The following NECAB2 variants were observed in gnomAD, a reference collection of about 807,000 sequenced individuals.
NECAB2 encodes the protein N-terminal EF-hand calcium-binding protein 2.
In NECAB2, 68 loss-of-function variants were observed where a neutral mutation model predicts 51.9. That is an observed-to-expected ratio of 1.31 (90% CI 1.08 to 1.60). NECAB2 has a LOEUF of 1.60. NECAB2 is among the 40% of genes most tolerant of loss of function. The pLI is 0.00. For synonymous variants in NECAB2, 329 were observed against 203.5 expected (o/e 1.62, Z -5.25); for missense variants, 854 against 490.3 (o/e 1.74, Z -7.00).
Position 84,002,440 on chromosome 16 carries a change from C to CTTCT in NECAB2, c.*97_*100dup. ...CTAGACAGACACTTTGGTGCAGAAG[C>CTTCT]TTCTTTTCAATCCATCCTCCACAAG... On this transcript the variant is annotated 3_prime_UTR_variant, in exon 13 of 13. Coordinates refer to ENST00000305202, the MANE Select transcript of NECAB2 (RefSeq NM_019065.3). 1 of 1,476,920 alleles carries CTTCT rather than the reference C, an allele frequency of 6.8e-7. No individual in the cohort carries two copies. Among genetic ancestry groups the CTTCT allele is most frequent in the Non-Finnish European group, 9.4e-7 (1 of 1,060,978 alleles). The allele number at this position is 1,476,920 out of a possible 1,614,324, so 91.5% of individuals were successfully genotyped here.
chr16:83,990,645 C>A lies in NECAB2; in HGVS notation c.596+15C>A. The A allele has an allele frequency of 6.2e-7, 1 of 1,613,784 alleles. No individual in the cohort carries two copies. Among genetic ancestry groups the A allele is most frequent in the East Asian group, 2.2e-5 (1 of 44,840 alleles). On this transcript the variant is annotated intron_variant, in intron 6 of 12. Coordinates refer to ENST00000305202, the MANE Select transcript of NECAB2 (RefSeq NM_019065.3). ...AGCCAGCTCCGGTGAGTCTCTGAGA[C>A]CCTGCAGGGTCCCATGGGGGTATGC...
rs889631 is a variant in NECAB2, at chr16:83,973,158, A to G, written c.226+983A>G. Reference sequence around the variant, plus strand: ...CAAGTACCAAGCCTGTGGCAGGGGAAGAGCACGCAACAGAGACCCTGTGAC... The same window carrying G: ...CAAGTACCAAGCCTGTGGCAGGGGAGGAGCACGCAACAGAGACCCTGTGAC... On this transcript the variant is annotated intron_variant, in intron 2 of 12. Transcript: ENST00000305202. Among the ~76,000 whole-genome samples, 315 of 152,352 alleles carry G rather than the reference A, an allele frequency of 2.1e-3. 1 individual carries two copies. The highest frequency in any genetic ancestry group is 7.0e-3 in the African/African-American group (291 of 41,588).
chr16:84,000,837 CAGAGGGA>C (rs747424403), intron 11 of NECAB2, 36 bp downstream of exon 11: 5 of 1,398,156 alleles, frequency 3.6e-6, no homozygotes, highest in Admixed American at 1.8e-5. Context: ...GTGAGGGAGA[CAGAGGGA>C]AGTGGGGGGG....
chr16:83,997,681 G>A lies in NECAB2; in HGVS notation c.849+412G>A, dbSNP rs142578995. ...TTTTTTGGTATTTTTAGTAGAGACG[G>A]ACAGGGTTTCACCATGTTGGTCAGG... On this transcript the variant is annotated intron_variant, in intron 9 of 12. Transcript: ENST00000305202. Among the ~76,000 whole-genome samples, 889 of 151,692 alleles carry A rather than the reference G, an allele frequency of 5.9e-3. 10 individuals carry two copies. The highest frequency in any genetic ancestry group is 0.02 in the African/African-American group (823 of 41,354).
At position 84,000,933 on chromosome 16, in the gene NECAB2, G is replaced by A. The variant is rs564134865; in HGVS notation, c.1040+132G>A. On this transcript the variant is annotated intron_variant, in intron 11 of 12. Transcript: ENST00000305202. ...CAGCAGATTCCCGAGGCATCTACCCGCTGGCATGCTTGCGTCAGTAAACCC... is the reference window on the plus strand; with the variant it reads ...CAGCAGATTCCCGAGGCATCTACCCACTGGCATGCTTGCGTCAGTAAACCC... 2.7e-4 allele frequency: 229 copies of A among 845,192 alleles called. 3 individuals are homozygous for A. The South Asian group carries it at 3.2e-3, about 12-fold the overall frequency. The allele number at this position is 845,192 out of a possible 1,614,324, so 52.4% of individuals were successfully genotyped here.
chr16:83,966,214 G>A (rs2084278679), upstream of NECAB2: 3 of 568,274 alleles, frequency 5.3e-6, no homozygotes, highest in Admixed American at 3.5e-5. Context: ...GCCAGGGTTG[G>A]CCTAGACCTG....
rs150916876 is a variant in NECAB2, at chr16:83,994,823, G to A, written c.795+135G>A. On this transcript the variant is annotated intron_variant, in intron 8 of 12. Transcript: ENST00000305202. ...ATGAAAAAGACATCCCCCAGGTGGG[G>A]CGTGGAGCTGCCGAGGACGAAGCTA... 1,274 of 1,018,590 alleles carry A rather than the reference G, an allele frequency of 1.3e-3. 15 individuals carry two copies. The African/African-American group carries it at 0.017, about 14-fold the overall frequency. 63.1% of individuals were successfully genotyped at this position (1,018,590 alleles called of 1,614,324 possible).
intron 6 of NECAB2, among the ~76,000 whole-genome samples, chr16:83,993,104 C>A (rs943577238): frequency 6.6e-6 from 1 of 152,158 alleles, no homozygotes; most frequent in Admixed American, 6.5e-5. Flanking sequence ...CTCCCTCGAA[C>A]TTCCCCAAAT....
At chr16:84,000,675 G>A (rs767010225) in intron 10 of NECAB2, 49 bp from the exon 11 acceptor site, 8 of 1,557,750 alleles carry the variant, frequency 5.1e-6, no homozygotes, top group Non-Finnish European at 7.1e-6. Flanking sequence ...GCACTGAGGT[G>A]GCCTTGGTTG....
chr16:83,976,350 C>T (rs2084410364), intron 2 of NECAB2, among the ~76,000 whole-genome samples: 1 of 152,208 alleles, frequency 6.6e-6, no homozygotes, highest in Non-Finnish European at 1.5e-5. Flanking sequence ...GGCTCTGTGC[C>T]TCAGTTTACC....
At chr16:83,973,226 CCTCTCCTGCACAAG>C (rs2084368159) in intron 2 of NECAB2, among the ~76,000 whole-genome samples, 1 of 152,274 alleles carries the variant, frequency 6.6e-6, no homozygotes, top group Admixed American at 6.5e-5. Flanking sequence ...GGCCCCGGTT[CCTCTCCTGCACAAG>C]CTGCAGTTGA....
chr16:83,998,431 C>A, intron 10 of NECAB2, 114 bp downstream of exon 10: 1 of 949,656 alleles, frequency 1.1e-6, no homozygotes, highest in South Asian at 1.6e-5. Flanking sequence ...ACCCCAGGGA[C>A]ACACACAGCT....
intron 8 of NECAB2, among the ~76,000 whole-genome samples, chr16:83,995,488 G>A (rs2084685246): frequency 6.6e-6 from 1 of 152,122 alleles, no homozygotes; most frequent in East Asian, 1.9e-4. Context: ...CGGTGCTGTA[G>A]CTTGCATTTA....
At chr16:83,999,928 A>C (rs2084791548) in intron 10 of NECAB2, among the ~76,000 whole-genome samples, 2 of 148,332 alleles carry the variant, frequency 1.3e-5, no homozygotes, top group African/African-American at 5.3e-5. Flanking sequence ...TTGTCCAGGC[A>C]GGAGTGAGTG....
rs1597237041 is a variant in NECAB2 at position 84,002,581 on chromosome 16, C to G, written c.*235C>G. The G allele has an allele frequency of 3.4e-6, 2 of 596,012 alleles. No individual in the cohort carries two copies. Among genetic ancestry groups the G allele is most frequent in the Non-Finnish European group, 5.9e-6 (2 of 336,814 alleles). 36.9% of individuals were successfully genotyped at this position (596,012 alleles called of 1,614,324 possible). Reference sequence around the variant, plus strand: ...GCCCAAGGTTGAAGGGGGCGGCTTCCTGGAGCCAGCACCCCTGCCTCCTGG... The same window carrying G: ...GCCCAAGGTTGAAGGGGGCGGCTTCGTGGAGCCAGCACCCCTGCCTCCTGG... On this transcript the variant is annotated 3_prime_UTR_variant, in exon 13 of 13. Transcript: ENST00000305202.
chr16:83,991,599 C>T (rs1252370503), intron 6 of NECAB2, among the ~76,000 whole-genome samples: 1 of 150,950 alleles, frequency 6.6e-6, no homozygotes, highest in Non-Finnish European at 1.5e-5. Context: ...GGGTGATCCA[C>T]CCGCCTCAGC....
chr16:83,997,614 A>C (rs1022676733), intron 9 of NECAB2, among the ~76,000 whole-genome samples: 4 of 148,448 alleles, frequency 2.7e-5, no homozygotes, highest in Admixed American at 6.9e-5. Flanking sequence ...CAGCCTCCTG[A>C]GTAGCTGGGA....
intron 11 of NECAB2, among the ~76,000 whole-genome samples, chr16:84,001,152 A>ATGTGATCAATT (rs1239300541): frequency 2.0e-5 from 3 of 152,110 alleles, no homozygotes; most frequent in Admixed American, 6.5e-5. Context: ...CTCAGTCCCC[A>ATGTGATCAATT]TGTGATCAAT....
intron 6 of NECAB2, among the ~76,000 whole-genome samples, chr16:83,991,649 G>A (rs571565086): frequency 1.1e-4 from 16 of 149,676 alleles, no homozygotes; most frequent in South Asian, 4.3e-4. Context: ...CATGGAGCCC[G>A]GCCTTATTTT....
Sources: gnomAD v4.1 joint callset for allele counts (sites outside exome capture counted in the v4.1 genomes callset) on GRCh38, gnomAD v4.1.1 for gene constraint, MANE v1.5 for transcripts, NCBI Gene and HGNC (gene_info 2026-07-23, HGNC 2026-07-21) for gene names.